The following GRID2 variants were observed in gnomAD, a reference collection of about 807,000 sequenced individuals.
GRID2 encodes the protein glutamate ionotropic receptor delta type subunit 2, also known as glutamate receptor ionotropic, delta-2.
GRID2 carries 33 observed loss-of-function variants against 114.8 expected under a neutral mutation model. The ratio of observed to expected loss-of-function variants is 0.29; its 90% CI spans 0.22 to 0.38. The LOEUF is 0.38. GRID2 is among the 10% of genes least tolerant of loss of function. The pLI is 1.00. For missense variants in GRID2, 1,184 were observed against 1,257.7 expected, an observed-to-expected ratio of 0.94 and a Z score of 0.89; for synonymous variants, 505 against 449.9, an observed-to-expected ratio of 1.12 and a Z score of -1.55.
intron 4 of GRID2, among the ~76,000 whole-genome samples, chr4:93,163,386 A>ACAC (rs1560941795): frequency 2.0e-4 from 9 of 45,284 alleles, no homozygotes; most frequent in African/African-American, 7.4e-4. Flanking sequence ...ATATATATAT[A>ACAC]TATATATATA....
At chr4:92,410,677 C>A (rs1731254761) in intron 1 of GRID2, among the ~76,000 whole-genome samples, 2 of 152,066 alleles carry the variant, frequency 1.3e-5, no homozygotes, top group Non-Finnish European at 2.9e-5. Context: ...TCTCTTACAT[C>A]ATTTGTAAAG....
At position 93,180,024 on chromosome 4, in the gene GRID2, C is replaced by A. The variant is rs150949023; in HGVS notation, c.736-27380C>A. On this transcript the variant is annotated intron_variant, in intron 4 of 15. Transcript: ENST00000282020. Reference sequence around the variant, plus strand: ...CTCATTACTGAACTTCCATTAAAATCTTTTTAAACGAAGAAAAAAGGCATA... The same window carrying A: ...CTCATTACTGAACTTCCATTAAAATATTTTTAAACGAAGAAAAAAGGCATA... Among the ~76,000 whole-genome samples, 633 of 152,208 alleles carry A rather than the reference C, an allele frequency of 4.2e-3. 8 individuals are homozygous for A. Among genetic ancestry groups the A allele is most frequent in the African/African-American group, 0.015 (610 of 41,550 alleles).
chr4:92,924,884 G>C (rs2149512173), intron 2 of GRID2, among the ~76,000 whole-genome samples: 1 of 152,116 alleles, frequency 6.6e-6, no homozygotes, highest in South Asian at 2.1e-4. Flanking sequence ...TATTAATGTG[G>C]AAGCTGTTAA....
chr4:93,689,555 G>C (rs1342415325), intron 14 of GRID2, among the ~76,000 whole-genome samples: 1 of 151,906 alleles, frequency 6.6e-6, no homozygotes, highest in Non-Finnish European at 1.5e-5. Context: ...TCAATGAACT[G>C]ACCTTGAGAA....
chr4:93,572,586 A>G (rs959061188), intron 13 of GRID2, among the ~76,000 whole-genome samples: 2 of 152,160 alleles, frequency 1.3e-5, no homozygotes, highest in African/African-American at 4.8e-5. Context: ...ATTGACATAT[A>G]TAGAATGTCT....
chr4:92,740,816 G>A (rs1239471097), intron 2 of GRID2, among the ~76,000 whole-genome samples: 4 of 151,974 alleles, frequency 2.6e-5, no homozygotes, highest in South Asian at 4.1e-4. Context: ...GAGCGATCCC[G>A]GCTCACTGCA....
At chr4:92,464,151 T>C (rs1457724142) in intron 1 of GRID2, among the ~76,000 whole-genome samples, 1 of 152,014 alleles carries the variant, frequency 6.6e-6, no homozygotes, top group Non-Finnish European at 1.5e-5. Flanking sequence ...TATGTTATAA[T>C]CTGTGATGAG....
intron 1 of GRID2, among the ~76,000 whole-genome samples, chr4:93,797,282 A>T (rs1436054805): frequency 6.6e-6 from 1 of 152,312 alleles, no homozygotes; most frequent in Middle Eastern, 3.4e-3. Context: ...TTGAGGTTTT[A>T]TAAGGAAATT....
rs1731559711 is a variant in GRID2 at position 93,743,160 on chromosome 4, C to T, written c.2361-26050C>T. ...TACCAGCCATAATATTCCCTTAGGC[C>T]AAAGCCTAACCCAGAGCAAGATCCT... On this transcript the variant is annotated intron_variant, in intron 14 of 15. Transcript: ENST00000282020. Among the ~76,000 whole-genome samples, 7 of 152,150 alleles carry T rather than the reference C, an allele frequency of 4.6e-5. No homozygotes were observed. The South Asian group carries it at 1.5e-3, about 32-fold the overall frequency.
intron 2 of GRID2, among the ~76,000 whole-genome samples, chr4:93,078,860 TATATC>T (rs1034154863): frequency 1.2e-4 from 17 of 147,038 alleles, no homozygotes; most frequent in African/African-American, 3.2e-4. Flanking sequence ...TTTTTGTAAT[TATATC>T]ATATAATTGT....
At chr4:93,472,546 T>TA (rs1218084498) in intron 11 of GRID2, among the ~76,000 whole-genome samples, 1 of 152,168 alleles carries the variant, frequency 6.6e-6, no homozygotes, top group Non-Finnish European at 1.5e-5. Flanking sequence ...GTTTAAAAAG[T>TA]AAACTTATCA....
chr4:92,559,170 AAC>A (rs1290106822), intron 1 of GRID2, among the ~76,000 whole-genome samples: 1 of 152,170 alleles, frequency 6.6e-6, no homozygotes, highest in Non-Finnish European at 1.5e-5. Flanking sequence ...AATATACATA[AAC>A]ACTTTCATAG....
chr4:92,590,752 C>T (rs752403870), intron 2 of GRID2, among the ~76,000 whole-genome samples: 2 of 152,126 alleles, frequency 1.3e-5, no homozygotes, highest in African/African-American at 2.4e-5. Flanking sequence ...AGGACTCTAA[C>T]ATACTGACCT....
At chr4:93,613,666 C>T (rs1248898589) in intron 13 of GRID2, among the ~76,000 whole-genome samples, 21 of 137,338 alleles carry the variant, frequency 1.5e-4, no homozygotes, top group Admixed American at 3.7e-4. Flanking sequence ...GCAGTCTGCC[C>T]GTTCTCAGAT....
intron 14 of GRID2, among the ~76,000 whole-genome samples, chr4:93,700,578 AGGT>A (rs1727423655): frequency 6.6e-6 from 1 of 152,176 alleles, no homozygotes; most frequent in Non-Finnish European, 1.5e-5. Flanking sequence ...TTCTAAAATG[AGGT>A]AACTCTAGAA....
At chr4:92,434,051 C>T (rs940136118) in intron 1 of GRID2, among the ~76,000 whole-genome samples, 18 of 152,244 alleles carry the variant, frequency 1.2e-4, no homozygotes, top group East Asian at 5.8e-4. Flanking sequence ...TCACGATGTC[C>T]GTAAATTTAA....
intron 2 of GRID2, among the ~76,000 whole-genome samples, chr4:92,694,172 A>G (rs889844552): frequency 2.0e-5 from 3 of 152,234 alleles, no homozygotes; most frequent in Admixed American, 1.3e-4. Context: ...CTTTGCATTT[A>G]TTATCGGATT....
intron 13 of GRID2, among the ~76,000 whole-genome samples, chr4:93,619,875 T>A (rs1742052884): frequency 6.6e-6 from 1 of 152,226 alleles, no homozygotes; most frequent in African/African-American, 2.4e-5. Flanking sequence ...TTTACGTAAC[T>A]GTTGTTTCTC....
intron 4 of GRID2, among the ~76,000 whole-genome samples, chr4:93,202,188 A>G (rs528708430): frequency 6.6e-6 from 1 of 152,310 alleles, no homozygotes; most frequent in South Asian, 2.1e-4. Flanking sequence ...ATATTATTAA[A>G]TAGAGTCCTC....
Sources: gnomAD v4.1 joint callset for allele counts (sites outside exome capture counted in the v4.1 genomes callset) on GRCh38, gnomAD v4.1.1 for gene constraint, MANE v1.5 for transcripts, NCBI Gene and HGNC (gene_info 2026-07-23, HGNC 2026-07-21) for gene names.